PDGFD: variants seen among roughly 807,000 people sequenced by gnomAD.
PDGFD encodes the protein platelet derived growth factor D.
A neutral mutation model predicts 44.7 loss-of-function variants in PDGFD; 30 were observed. That is an observed-to-expected ratio of 0.67 (90% CI 0.50 to 0.91). The LOEUF (loss-of-function observed/expected upper bound fraction) is 0.91, where lower values mean the gene tolerates loss of function less well. Ranked by LOEUF, PDGFD falls within the 40% of genes least tolerant of loss-of-function variation. PDGFD has a pLI of 0.00. For synonymous variants in PDGFD, 173 were observed against 168.4 expected (o/e 1.03, Z -0.21); for missense variants, 445 against 457.8 (o/e 0.97, Z 0.25).
At chr11:103,925,702 CAGACACACACACACATAT>C (rs1858299255) in intron 6 of PDGFD, among the ~76,000 whole-genome samples, 1 of 38,780 alleles carries the variant, frequency 2.6e-5, no homozygotes, top group African/African-American at 7.6e-5. Flanking sequence ...TATATATACA[CAGACACACACACACATAT>C]ATATATATAT....
chr11:103,928,705 T>C (rs980410752), intron 5 of PDGFD, among the ~76,000 whole-genome samples: 3 of 152,234 alleles, frequency 2.0e-5, no homozygotes, highest in African/African-American at 7.2e-5. Context: ...TGCTGTTTTT[T>C]TCTTCCTTTG....
Position 104,084,739 on chromosome 11 carries a change from G to C in PDGFD, c.124+79065C>G, listed in dbSNP as rs1460525802. 5.3e-5 allele frequency among the ~76,000 whole-genome samples: 6 copies of C among 113,370 alleles called. No homozygotes were observed. In the Admixed American group the frequency reaches 5.5e-4, roughly 10 times the overall value. 74.4% of individuals were successfully genotyped at this position (113,370 alleles called of 152,430 possible). ...GTATACATATATAATACAGATATATGTAATATATTATAGTTTATATATTAA... is the reference window on the plus strand; with the variant it reads ...GTATACATATATAATACAGATATATCTAATATATTATAGTTTATATATTAA... On this transcript the variant is annotated intron_variant, in intron 1 of 6. Transcript: ENST00000393158.
At chr11:104,060,448 G>A (rs780612423) in intron 1 of PDGFD, among the ~76,000 whole-genome samples, 3 of 152,180 alleles carry the variant, frequency 2.0e-5, no homozygotes, top group Non-Finnish European at 4.4e-5. Flanking sequence ...GGTGGGATAA[G>A]CATAGAGGGT....
At chr11:103,932,114 T>G (rs776617620) in intron 5 of PDGFD, among the ~76,000 whole-genome samples, 4 of 152,176 alleles carry the variant, frequency 2.6e-5, no homozygotes, top group African/African-American at 4.8e-5. Flanking sequence ...TGCCCTCTAT[T>G]ATAGCATTTA....
intron 5 of PDGFD, among the ~76,000 whole-genome samples, chr11:103,932,854 C>T (rs535171235): frequency 2.0e-5 from 3 of 152,182 alleles, no homozygotes; most frequent in Admixed American, 2.0e-4. Context: ...ATTATTAATA[C>T]TTTATATGTT....
In PDGFD at chr11:103,938,315, T is replaced by C. The variant is rs977292119; in HGVS notation, c.772+5137A>G. Among the ~76,000 whole-genome samples, 47 of 152,264 alleles carry C rather than the reference T, an allele frequency of 3.1e-4. 1 individual carries two copies. The highest frequency in any genetic ancestry group is 2.2e-3 in the Admixed American group (34 of 15,284). On this transcript the variant is annotated intron_variant, in intron 5 of 6. Coordinates refer to ENST00000393158, the MANE Select transcript of PDGFD (RefSeq NM_025208.5). ...TTCTCTGATGGCCAGTGATGATGAGTATTTTTTCATGTGTTTTTTGGCTGC... is the reference window on the plus strand; with the variant it reads ...TTCTCTGATGGCCAGTGATGATGAGCATTTTTTCATGTGTTTTTTGGCTGC...
At chr11:103,974,203 A>G (rs1370729185) in intron 3 of PDGFD, among the ~76,000 whole-genome samples, 2 of 152,144 alleles carry the variant, frequency 1.3e-5, no homozygotes, top group African/African-American at 4.8e-5. Flanking sequence ...AAATCTCAGT[A>G]CTTCTTCCAA....
intron 1 of PDGFD, among the ~76,000 whole-genome samples, chr11:104,027,787 C>T (rs1488588879): frequency 6.6e-6 from 1 of 152,100 alleles, no homozygotes; most frequent in Admixed American, 6.6e-5. Context: ...TTTGCAGATG[C>T]CTGTATTTTG....
intron 1 of PDGFD, among the ~76,000 whole-genome samples, chr11:104,092,866 C>T (rs1861230924): frequency 6.6e-6 from 1 of 152,068 alleles, no homozygotes; most frequent in African/African-American, 2.4e-5. Context: ...ATGCTTATTC[C>T]ATCTCATATT....
chr11:104,037,410 G>A, intron 1 of PDGFD: 1 of 1,614,134 alleles, frequency 6.2e-7, no homozygotes, highest in East Asian at 2.2e-5. Flanking sequence ...GAGAGCAAGA[G>A]AGGCTTCGTC....
intron 1 of PDGFD, among the ~76,000 whole-genome samples, chr11:104,057,568 C>A (rs361321): frequency 1.3e-5 from 2 of 152,116 alleles, no homozygotes; most frequent in African/African-American, 2.4e-5. Flanking sequence ...ACTGACCACC[C>A]GGCACTAGGC....
At chr11:104,017,685 T>A (rs1345158520) in intron 1 of PDGFD, among the ~76,000 whole-genome samples, 1 of 152,208 alleles carries the variant, frequency 6.6e-6, no homozygotes, top group Non-Finnish European at 1.5e-5. Context: ...TGTGGGTGTG[T>A]GACATATGCC....
At chr11:104,109,496 A>G (rs1861520467) in intron 1 of PDGFD, among the ~76,000 whole-genome samples, 1 of 152,164 alleles carries the variant, frequency 6.6e-6, no homozygotes, top group Non-Finnish European at 1.5e-5. Flanking sequence ...ATTTAGCAAC[A>G]TCTATTAAAT....
intron 1 of PDGFD, among the ~76,000 whole-genome samples, chr11:104,020,768 T>C (rs1859937319): frequency 1.3e-5 from 2 of 152,152 alleles, no homozygotes; most frequent in Non-Finnish European, 2.9e-5. Flanking sequence ...AAGAATTCTG[T>C]TTGAATAGTT....
intron 1 of PDGFD, among the ~76,000 whole-genome samples, chr11:104,094,614 A>G (rs1006374533): frequency 2.0e-5 from 3 of 152,188 alleles, no homozygotes; most frequent in African/African-American, 7.2e-5. Flanking sequence ...AGTACCCTTC[A>G]TCTAATCATT....
chr11:103,949,301 C>T (rs539840486), intron 3 of PDGFD, among the ~76,000 whole-genome samples: 2 of 152,246 alleles, frequency 1.3e-5, no homozygotes, highest in African/African-American at 4.8e-5. Context: ...CTGGGCCCGG[C>T]CTCGTTATTC....
chr11:104,068,336 C>T (rs141584873), intron 1 of PDGFD, among the ~76,000 whole-genome samples: 16 of 152,248 alleles, frequency 1.1e-4, no homozygotes, highest in Admixed American at 1.0e-3. Context: ...ACATACATGA[C>T]CCCAAATGAG....
At chr11:103,970,674 A>G (rs913232970) in intron 3 of PDGFD, among the ~76,000 whole-genome samples, 1 of 152,172 alleles carries the variant, frequency 6.6e-6, no homozygotes, top group African/African-American at 2.4e-5. Context: ...TACTTGATGT[A>G]CAGTACATAT....
At chr11:104,002,339 C>A (rs2134368165) in intron 1 of PDGFD, among the ~76,000 whole-genome samples, 2 of 152,232 alleles carry the variant, frequency 1.3e-5, no homozygotes, top group African/African-American at 4.8e-5. Context: ...ATGACTAGAT[C>A]ATGGGGTGGT....
Sources: gnomAD v4.1 joint callset for allele counts (sites outside exome capture counted in the v4.1 genomes callset) on GRCh38, gnomAD v4.1.1 for gene constraint, MANE v1.5 for transcripts, NCBI Gene and HGNC (gene_info 2026-07-23, HGNC 2026-07-21) for gene names.